DPP10: variants seen among roughly 807,000 people sequenced by gnomAD.
DPP10 encodes inactive dipeptidyl peptidase 10.
A neutral mutation model predicts 120.9 loss-of-function variants in DPP10; 33 were observed. The ratio of observed to expected loss-of-function variants is 0.27; its 90% CI spans 0.21 to 0.37. The LOEUF (loss-of-function observed/expected upper bound fraction) is 0.37, where lower values mean the gene tolerates loss of function less well. Ranked by LOEUF, DPP10 falls within the 10% of genes least tolerant of loss-of-function variation. DPP10 has a pLI of 1.00. For synonymous variants in DPP10, 337 were observed against 326.1 expected, an observed-to-expected ratio of 1.03 and a Z score of -0.36; for missense variants, 816 against 942.8, an observed-to-expected ratio of 0.87 and a Z score of 1.76.
chr2:115,770,115 T>C (rs1681277118), intron 13 of DPP10, among the ~76,000 whole-genome samples: 2 of 152,072 alleles, frequency 1.3e-5, no homozygotes, highest in South Asian at 4.1e-4. Flanking sequence ...ATGCTAGATC[T>C]TACCCATTCT....
chr2:115,838,787 C>T (rs902559413), intron 24 of DPP10, among the ~76,000 whole-genome samples: 2 of 152,114 alleles, frequency 1.3e-5, no homozygotes, highest in African/African-American at 4.8e-5. Context: ...TGTGAGCACA[C>T]ACACACATAG....
chr2:115,677,834 C>T (rs541951419), intron 5 of DPP10, among the ~76,000 whole-genome samples: 20 of 152,240 alleles, frequency 1.3e-4, no homozygotes, highest in Non-Finnish European at 2.5e-4. Flanking sequence ...GGGACTTTAA[C>T]GCCTGACTCT....
At chr2:115,814,683 T>C in intron 19 of DPP10, 110 bp from the exon 20 acceptor site, 1 of 826,144 alleles carries the variant, frequency 1.2e-6, no homozygotes, top group South Asian at 4.9e-5. Flanking sequence ...ACAGAAATTT[T>C]AATAGCCAGC....
chr2:115,556,528 T>C (rs2080227189), intron 5 of DPP10, among the ~76,000 whole-genome samples: 2 of 152,230 alleles, frequency 1.3e-5, no homozygotes, highest in African/African-American at 4.8e-5. Context: ...GAATGGGCTG[T>C]GCTGAAAATT....
intron 19 of DPP10, among the ~76,000 whole-genome samples, chr2:115,792,547 TC>T (rs1238437751): frequency 1.3e-5 from 2 of 152,088 alleles, no homozygotes; most frequent in Non-Finnish European, 2.9e-5. Context: ...TTCTCCCTTG[TC>T]CCTAAAAGCC....
chr2:115,822,088 T>C (rs1315351539), intron 21 of DPP10, among the ~76,000 whole-genome samples: 1 of 152,020 alleles, frequency 6.6e-6, no homozygotes, highest in Non-Finnish European at 1.5e-5. Context: ...TGGGATTTAT[T>C]TTATTTTCGT....
intron 2 of DPP10, among the ~76,000 whole-genome samples, 169 bp downstream of exon 2, chr2:115,309,522 G>A (rs1463386935): frequency 2.0e-5 from 3 of 152,084 alleles, no homozygotes; most frequent in African/African-American, 7.2e-5. Flanking sequence ...CAGTAATTCT[G>A]CAGTTCAAAT....
chr2:114,470,715 TA>T (rs1679834984), intron 1 of DPP10, among the ~76,000 whole-genome samples: 1 of 152,266 alleles, frequency 6.6e-6, no homozygotes, highest in Non-Finnish European at 1.5e-5. Flanking sequence ...TTTCTTCAAT[TA>T]AATTGTGAGC....
At chr2:115,572,784 A>T (rs1269597732) in intron 5 of DPP10, among the ~76,000 whole-genome samples, 1 of 152,230 alleles carries the variant, frequency 6.6e-6, no homozygotes, top group Non-Finnish European at 1.5e-5. Context: ...TAGAAAAAGC[A>T]AAGTGTAACA....
chr2:115,059,002 C>G (rs964625382), intron 1 of DPP10, among the ~76,000 whole-genome samples: 1 of 152,130 alleles, frequency 6.6e-6, no homozygotes, highest in Non-Finnish European at 1.5e-5. Context: ...CAATCCTTCC[C>G]CCTGAATAGC....
At chr2:115,544,074 C>G (rs1179871285) in intron 5 of DPP10, among the ~76,000 whole-genome samples, 4 of 151,030 alleles carry the variant, frequency 2.6e-5, no homozygotes, top group Non-Finnish European at 5.9e-5. Context: ...GAAACACTGA[C>G]TCTCACATGC....
At chr2:115,059,411 C>T (rs1262744776) in intron 1 of DPP10, among the ~76,000 whole-genome samples, 2 of 141,556 alleles carry the variant, frequency 1.4e-5, no homozygotes, top group African/African-American at 5.2e-5. Flanking sequence ...ATACCAATAT[C>T]CTAATTTCCT....
chr2:115,554,501 A>G (rs950018496), intron 5 of DPP10, among the ~76,000 whole-genome samples: 1 of 152,100 alleles, frequency 6.6e-6, no homozygotes, highest in South Asian at 2.1e-4. Flanking sequence ...AATCAAATGC[A>G]TTCATTAAAT....
intron 1 of DPP10, among the ~76,000 whole-genome samples, chr2:114,913,763 T>C (rs1694566378): frequency 6.6e-6 from 1 of 152,256 alleles, no homozygotes; most frequent in African/African-American, 2.4e-5. Context: ...TGGATGACAA[T>C]GTAGATTAAT....
At chr2:115,336,599 CTATA>C (rs71394128) in intron 2 of DPP10, among the ~76,000 whole-genome samples, 45,364 of 144,896 alleles carry the variant, frequency 0.31, 8,635 homozygotes, top group Non-Finnish European at 0.44. Flanking sequence ...CTCTCTCTCT[CTATA>C]TATATATATA....
chr2:115,354,073 T>A (rs2064208738), intron 3 of DPP10, among the ~76,000 whole-genome samples: 1 of 152,174 alleles, frequency 6.6e-6, no homozygotes, highest in Non-Finnish European at 1.5e-5. Flanking sequence ...TGATTTTACA[T>A]GTAAAAAAAG....
At chr2:114,601,078 C>T (rs559396194) in intron 1 of DPP10, among the ~76,000 whole-genome samples, 2 of 151,810 alleles carry the variant, frequency 1.3e-5, no homozygotes, top group Non-Finnish European at 2.9e-5. Flanking sequence ...CTGTTAGAAA[C>T]TTTTTCAGAC....
chr2:115,395,479 C>T (rs926199838), intron 3 of DPP10, among the ~76,000 whole-genome samples: 17 of 152,310 alleles, frequency 1.1e-4, no homozygotes, highest in African/African-American at 4.1e-4. Context: ...GACGTCAATG[C>T]TAAACAGCCT....
intron 2 of DPP10, among the ~76,000 whole-genome samples, chr2:115,310,953 T>C (rs1323642136): frequency 6.6e-6 from 1 of 152,182 alleles, no homozygotes; most frequent in Non-Finnish European, 1.5e-5. Flanking sequence ...TTGTTACTCA[T>C]TGAGGCCATA....
Sources: gnomAD v4.1 joint callset for allele counts (sites outside exome capture counted in the v4.1 genomes callset) on GRCh38, gnomAD v4.1.1 for gene constraint, MANE v1.5 for transcripts, NCBI Gene and HGNC (gene_info 2026-07-23, HGNC 2026-07-21) for gene names.